SGSM2: variants seen among roughly 807,000 people sequenced by gnomAD.
The protein encoded by SGSM2 is RUN and TBC1 domain containing 1.
Under a neutral mutation model 126.6 loss-of-function variants are expected in SGSM2, and 89 were observed. The observed-to-expected ratio is 0.70, with a 90% confidence interval of 0.59 to 0.84. SGSM2 has a LOEUF of 0.84. Ranked by LOEUF, SGSM2 falls within the 40% of genes least tolerant of loss-of-function variation. SGSM2 has a pLI of 0.00. For missense variants in SGSM2, 1,404 were observed against 1,416.6 expected (o/e 0.99, Z 0.14); for synonymous variants, 614 against 574.3 (o/e 1.07, Z -0.99).
At chr17:2,340,557 T>C (rs1597295980) in intron 1 of SGSM2, among the ~76,000 whole-genome samples, 1 of 151,978 alleles carries the variant, frequency 6.6e-6, no homozygotes, top group Non-Finnish European at 1.5e-5. Flanking sequence ...TCTGAACTCA[T>C]GTTTCTCCTT....
At chr17:2,377,676 A>G in intron 21 of SGSM2, 181 bp from the exon 22 acceptor site, 1 of 497,708 alleles carries the variant, frequency 2.0e-6, no homozygotes, top group East Asian at 3.4e-5. Flanking sequence ...AGCAGGAGCA[A>G]CCCACCCTCC....
At position 2,372,854 on chromosome 17, in the gene SGSM2, C is replaced by G. The variant is rs978180336; in HGVS notation, c.1789-99C>G. ...CTTGCCTGGGCTTCAGCAGTCACTACAGGCCCCGCCCCAGCCCATTCTCCG... is the reference window on the plus strand; with the variant it reads ...CTTGCCTGGGCTTCAGCAGTCACTAGAGGCCCCGCCCCAGCCCATTCTCCG... On this transcript the variant is annotated intron_variant, in intron 15 of 23. Coordinates refer to ENST00000268989, the MANE Select transcript of SGSM2 (RefSeq NM_014853.3). This position sits in a 1 kb window ranked among gnomAD's most constrained non-coding sequence, Gnocchi z 6.0. 1.2e-5 allele frequency: 17 copies of G among 1,476,208 alleles called. No individual in the cohort carries two copies. In the African/African-American group the frequency reaches 2.1e-4, roughly 18 times the overall value. 91.4% of individuals were successfully genotyped at this position (1,476,208 alleles called of 1,614,324 possible).
chr17:2,367,121 A>C lies in SGSM2; in HGVS notation c.1289-150A>C. 6.8e-6 allele frequency: 6 copies of C among 886,804 alleles called. No homozygotes were observed. The highest frequency in any genetic ancestry group is 8.3e-6 in the Non-Finnish European group (5 of 604,124). 54.9% of individuals were successfully genotyped at this position (886,804 alleles called of 1,614,324 possible). A position where few individuals can be genotyped will look rare whatever the true frequency, so the allele number is the denominator to read the frequency against. On this transcript the variant is annotated intron_variant, in intron 11 of 23. Coordinates refer to ENST00000268989, the MANE Select transcript of SGSM2 (RefSeq NM_014853.3). The surrounding 1 kb of genome is among the most constrained non-coding windows in gnomAD (Gnocchi z 4.0). ...ACACTCTCCCAGGAAAATCATCCAA[A>C]GAGCTTTCTGGTCCCCTCCCTTCCC...
At chr17:2,359,965 C>T (rs1436761969) in intron 2 of SGSM2, among the ~76,000 whole-genome samples, 1 of 152,152 alleles carries the variant, frequency 6.6e-6, no homozygotes, top group Non-Finnish European at 1.5e-5. Flanking sequence ...GGTCATTCGC[C>T]TGTATATCCC....
chr17:2,355,334 A>T (rs77774277), intron 2 of SGSM2, among the ~76,000 whole-genome samples: 1 of 11,580 alleles, frequency 8.6e-5, no homozygotes, highest in African/African-American at 4.0e-4. Flanking sequence ...GGGGTGTAAG[A>T]GTTGGGGGAA....
chr17:2,374,434 G>C (rs923029085), intron 17 of SGSM2: 3 of 152,028 alleles, frequency 2.0e-5, no homozygotes, highest in African/African-American at 7.2e-5. Flanking sequence ...AACCTTTGCC[G>C]CATGTGTTGG....
intron 16 of SGSM2, 98 bp from the exon 17 acceptor site, chr17:2,373,233 T>C: frequency 6.5e-7 from 1 of 1,541,428 alleles, no homozygotes; most frequent in Non-Finnish European, 8.8e-7. Flanking sequence ...CCGTCTTGAG[T>C]CTGAGACTCA....
At chr17:2,348,338 C>A (rs1170770170) in intron 2 of SGSM2, among the ~76,000 whole-genome samples, 3 of 152,122 alleles carry the variant, frequency 2.0e-5, no homozygotes, top group Non-Finnish European at 2.9e-5. Context: ...GTGGGAGGAT[C>A]CCTTGCAGGA....
At position 2,363,161 on chromosome 17, in the gene SGSM2, G is replaced by A. The variant is rs1438955445; in HGVS notation, c.672+27G>A. Reference sequence around the variant, plus strand: ...TAGGTGCCCCCTCCCCACCCTTTGGGCTCATCTGGGCTATGCCCATGGGCC... The same window carrying A: ...TAGGTGCCCCCTCCCCACCCTTTGGACTCATCTGGGCTATGCCCATGGGCC... On this transcript the variant is annotated intron_variant, in intron 6 of 23. Coordinates refer to ENST00000268989, the MANE Select transcript of SGSM2 (RefSeq NM_014853.3). This position sits in a 1 kb window ranked among gnomAD's most constrained non-coding sequence, Gnocchi z 4.2. The A allele has an allele frequency of 1.3e-6, 2 of 1,565,494 alleles. No homozygotes were observed. Among genetic ancestry groups the A allele is most frequent in the Non-Finnish European group, 8.6e-7 (1 of 1,159,138 alleles).
intron 9 of SGSM2, 89 bp downstream of exon 9, chr17:2,364,752 C>T (rs1002974548): frequency 2.1e-5 from 33 of 1,559,788 alleles, no homozygotes; most frequent in East Asian, 4.5e-5. Context: ...TAAGACTCCT[C>T]GTCCTCCTCC....
At chr17:2,340,288 G>A (rs865920003) in intron 1 of SGSM2, among the ~76,000 whole-genome samples, 11 of 151,716 alleles carry the variant, frequency 7.3e-5, no homozygotes, top group Non-Finnish European at 1.6e-4. Flanking sequence ...CTAATTTTTC[G>A]TATTTTAGTA....
In SGSM2 at chr17:2,377,919, C is replaced by T; in HGVS notation, c.2865C>T (p.Phe955=). The change falls in exon 22 of 24, where the codon TTC becomes TTT. Residue 955 remains phenylalanine (F), a synonymous_variant. Transcript: ENST00000268989. ...ATGGAGACTACACCCACTTCTACTT[C>T]TGTTATCGCTGGTTCCTGCTGGATT... The part of the protein sequence containing the change: ...HQNGDYTHFY[F]CYRWFLLDFK... The T allele has an allele frequency of 6.2e-7, 1 of 1,612,820 alleles. No homozygotes were observed. Among genetic ancestry groups the T allele is most frequent in the Non-Finnish European group, 8.5e-7 (1 of 1,178,874 alleles).
intron 23 of SGSM2, 42 bp downstream of exon 23, chr17:2,379,245 T>C: frequency 1.9e-6 from 3 of 1,607,186 alleles, no homozygotes; most frequent in East Asian, 4.5e-5. Context: ...TGAGCAGAGG[T>C]GTGGAGGCCC....
At position 2,372,826 on chromosome 17, in the gene SGSM2, G is replaced by A; in HGVS notation, c.1789-127G>A. 7.5e-7 allele frequency: 1 copy of A among 1,327,172 alleles called. No individual in the cohort carries two copies. Among genetic ancestry groups the A allele is most frequent in the African/African-American group, 1.5e-5 (1 of 67,588 alleles). The allele number at this position is 1,327,172 out of a possible 1,614,324, so 82.2% of individuals were successfully genotyped here. ...GGGAGGACGTGGCCACCCCAAAGCA[G>A]GCCTTGCCTGGGCTTCAGCAGTCAC... On this transcript the variant is annotated intron_variant, in intron 15 of 23. Transcript: ENST00000268989. The surrounding 1 kb of genome is among the most constrained non-coding windows in gnomAD (Gnocchi z 6.0).
chr17:2,373,383 C>A lies in SGSM2; in HGVS notation c.1970C>A (p.Ala657Asp). The A allele has an allele frequency of 6.2e-7, 1 of 1,612,956 alleles. No individual in the cohort carries two copies. Among genetic ancestry groups the A allele is most frequent in the Non-Finnish European group, 8.5e-7 (1 of 1,179,968 alleles). ...CAGCAGGTGTTGGCAGAGTGGAAGG[C>A]CTGCGAGGTGGTGGTGAGGCAGCGG... is the stretch of plus-strand genomic sequence containing the variant. The part of the protein sequence containing the change: ...RYQQVLAEWK[A>D]CEVVVRQRER... Residue 657 changes from alanine (A) to aspartate (D), a missense_variant, in exon 17 of 24, where the codon GCC (alanine) becomes GAC (aspartate). Coordinates refer to ENST00000268989, the MANE Select transcript of SGSM2 (RefSeq NM_014853.3).
At position 2,372,942 on chromosome 17, in the gene SGSM2, G is replaced by C. The variant is rs565205228; in HGVS notation, c.1789-11G>C. On this transcript the variant is annotated splice_polypyrimidine_tract_variant and intron_variant, in intron 15 of 23. Coordinates refer to ENST00000268989, the MANE Select transcript of SGSM2 (RefSeq NM_014853.3). This position sits in a 1 kb window ranked among gnomAD's most constrained non-coding sequence, Gnocchi z 6.0. ...GGAGGCTGCACAGTCTTGACTCCCCGGGTCCCTCAGAACTACAAAGAGCTG... is the reference window on the plus strand; with the variant it reads ...GGAGGCTGCACAGTCTTGACTCCCCCGGTCCCTCAGAACTACAAAGAGCTG... The C allele has an allele frequency of 6.4e-6, 10 of 1,556,794 alleles. No individual in the cohort carries two copies. The highest frequency in any genetic ancestry group is 5.8e-5 in the Admixed American group (3 of 51,702).
Position 2,337,786 on chromosome 17 carries a change from C to G in SGSM2, c.57+41C>G. 1 of 1,453,658 alleles carries G rather than the reference C, an allele frequency of 6.9e-7. No individual in the cohort carries two copies. The highest frequency in any genetic ancestry group is 9.2e-7 in the Non-Finnish European group (1 of 1,085,622). The allele number at this position is 1,453,658 out of a possible 1,614,324, so 90.0% of individuals were successfully genotyped here. Reference sequence around the variant, plus strand: ...GAACCCCGGGGGGCTCGCGCCCTGGCCCGCGCGGCCCAGGGGGCAGAAAGG... The same window carrying G: ...GAACCCCGGGGGGCTCGCGCCCTGGGCCGCGCGGCCCAGGGGGCAGAAAGG... On this transcript the variant is annotated intron_variant, in intron 1 of 23. Coordinates refer to ENST00000268989, the MANE Select transcript of SGSM2 (RefSeq NM_014853.3). The surrounding 1 kb of genome is among the most constrained non-coding windows in gnomAD (Gnocchi z 5.1).
chr17:2,365,350 C>T lies in SGSM2; in HGVS notation c.1288+9C>T. The T allele has an allele frequency of 6.5e-7, 1 of 1,534,374 alleles. No homozygotes were observed. Among genetic ancestry groups the T allele is most frequent in the Non-Finnish European group, 8.8e-7 (1 of 1,135,014 alleles). On this transcript the variant is annotated intron_variant, in intron 11 of 23. Transcript: ENST00000268989. ...CCACAGGCACGAGCACAGTGAGTGT[C>T]CCGAGCTTCATCCCGGGGGAGGAGA...
In SGSM2 at chr17:2,379,186, T is replaced by C. The variant is rs1163787248; in HGVS notation, c.3050T>C (p.Ile1017Thr). The C allele has an allele frequency of 1.2e-6, 2 of 1,613,792 alleles. No individual in the cohort carries two copies. Among genetic ancestry groups the C allele is most frequent in the Admixed American group, 1.7e-5 (1 of 59,998 alleles). The change falls in exon 23 of 24, where the codon ATC becomes ACC. Residue 1017 changes from isoleucine (I) to threonine (T), a missense_variant. Ile to Thr is a moderately conservative substitution (Grantham distance 89). Coordinates refer to ENST00000268989, the MANE Select transcript of SGSM2 (RefSeq NM_014853.3). ...IRDNNMDFTD[I>T]IKFFNERAEH... ...GACAACAACATGGACTTCACTGACA[T>C]CATCAAGTTTTTCAATGGTACGAGC...
Sources: gnomAD v4.1 joint callset for allele counts (sites outside exome capture counted in the v4.1 genomes callset) on GRCh38, gnomAD v4.1.1 for gene constraint, Gnocchi (gnomAD v3.1) non-coding constraint, MANE v1.5 for transcripts, NCBI Gene and HGNC (gene_info 2026-07-23, HGNC 2026-07-21) for gene names.